ATP6V1H: variants seen among roughly 807,000 people sequenced by gnomAD.
ATP6V1H encodes V-type proton ATPase subunit H.
In ATP6V1H, 39 loss-of-function variants were observed where a neutral mutation model predicts 71.7. That is an observed-to-expected ratio of 0.54 (90% confidence interval 0.42 to 0.71). The LOEUF (loss-of-function observed/expected upper bound fraction) is 0.71. Ranked by LOEUF, ATP6V1H falls within the 30% of genes least tolerant of loss-of-function variation. The probability of loss-of-function intolerance (pLI) is 0.00; values close to 1 mark genes in which losing one functional copy is unlikely to be tolerated. For synonymous variants in ATP6V1H, 192 were observed against 199.3 expected (o/e 0.96, Z 0.31); for missense variants, 509 against 594.9 (o/e 0.86, Z 1.50).
chr8:53,756,710 C>T (rs144519353), intron 11 of ATP6V1H, 54 bp from the exon 12 acceptor site: 1 of 1,114,308 alleles, frequency 9.0e-7, no homozygotes, highest in Non-Finnish European at 1.3e-6. Context: ...CTATAGACTA[C>T]AACAGAGCAC....
At chr8:53,742,954 A>G (rs1283268672) in intron 13 of ATP6V1H, among the ~76,000 whole-genome samples, 1 of 152,234 alleles carries the variant, frequency 6.6e-6, no homozygotes, top group Non-Finnish European at 1.5e-5. Context: ...AAAAGCAGCT[A>G]TGTCAAGGGG....
chr8:53,726,983 C>T (rs936084436), intron 13 of ATP6V1H, among the ~76,000 whole-genome samples: 54 of 152,246 alleles, frequency 3.5e-4, no homozygotes, highest in African/African-American at 1.3e-3. Flanking sequence ...GGACACCTCA[C>T]CCCACCTCTG....
At chr8:53,765,296 G>A (rs1358524575) in intron 11 of ATP6V1H, among the ~76,000 whole-genome samples, 1 of 151,742 alleles carries the variant, frequency 6.6e-6, no homozygotes, top group Non-Finnish European at 1.5e-5. Context: ...CAGCTACTTA[G>A]GAGGCTGAGG....
chr8:53,750,754 G>A (rs935631262), intron 12 of ATP6V1H, among the ~76,000 whole-genome samples: 3 of 152,124 alleles, frequency 2.0e-5, no homozygotes, highest in African/African-American at 2.4e-5. Context: ...AAAGTCCACC[G>A]AGAAGTTAAT....
chr8:53,776,621 C>T (rs2130343398), intron 9 of ATP6V1H, among the ~76,000 whole-genome samples: 2 of 152,322 alleles, frequency 1.3e-5, no homozygotes, highest in South Asian at 4.1e-4. Context: ...TAACAGAAGC[C>T]AGTTCTAGGA....
At chr8:53,783,471 G>A (rs916624698) in intron 9 of ATP6V1H, among the ~76,000 whole-genome samples, 3 of 151,904 alleles carry the variant, frequency 2.0e-5, no homozygotes, top group African/African-American at 7.3e-5. Context: ...CTATCAATTT[G>A]TTGATCTTTT....
chr8:53,775,049 C>T (rs1410908962), intron 9 of ATP6V1H, among the ~76,000 whole-genome samples: 3 of 152,204 alleles, frequency 2.0e-5, no homozygotes, highest in South Asian at 2.1e-4. Flanking sequence ...TTCTTGAAGG[C>T]GGCGTGTCCG....
intron 4 of ATP6V1H, among the ~76,000 whole-genome samples, chr8:53,821,884 C>A (rs148735387): frequency 6.6e-6 from 1 of 151,978 alleles, no homozygotes; most frequent in Non-Finnish European, 1.5e-5. Flanking sequence ...AAAACTGTAA[C>A]GTAACAATGC....
intron 13 of ATP6V1H, among the ~76,000 whole-genome samples, chr8:53,718,548 C>A (rs1477761893): frequency 6.6e-6 from 1 of 152,114 alleles, no homozygotes; most frequent in African/African-American, 2.4e-5. Flanking sequence ...CACCACCATG[C>A]CTGGCTAATT....
intron 4 of ATP6V1H, among the ~76,000 whole-genome samples, chr8:53,819,723 G>GTA: frequency 7.5e-6 from 1 of 133,366 alleles, no homozygotes; most frequent in South Asian, 2.4e-4. Context: ...CATATACTTT[G>GTA]TATATATATA....
chr8:53,840,030 T>A, intron 2 of ATP6V1H: 1 of 516,984 alleles, frequency 1.9e-6, no homozygotes, highest in Non-Finnish European at 2.5e-6. Context: ...TTGCTCACAT[T>A]ATCTGTTCTA....
intron 4 of ATP6V1H, among the ~76,000 whole-genome samples, chr8:53,817,809 C>T (rs1283522082): frequency 5.9e-5 from 9 of 152,090 alleles, no homozygotes; most frequent in African/African-American, 2.4e-5. Flanking sequence ...TGACCTGCTA[C>T]TCCCAATGTA....
intron 12 of ATP6V1H, among the ~76,000 whole-genome samples, chr8:53,751,171 T>C (rs962057487): frequency 2.0e-5 from 3 of 152,178 alleles, no homozygotes; most frequent in Non-Finnish European, 4.4e-5. Context: ...TATCCATATA[T>C]GTACTGTGTA....
At chr8:53,776,103 T>C (rs973729737) in intron 9 of ATP6V1H, among the ~76,000 whole-genome samples, 3 of 152,070 alleles carry the variant, frequency 2.0e-5, no homozygotes, top group Non-Finnish European at 4.4e-5. Flanking sequence ...CTGGCACCGG[T>C]GGGGGACCCA....
At chr8:53,806,107 A>G (rs1415089663) in intron 7 of ATP6V1H, among the ~76,000 whole-genome samples, 2 of 152,188 alleles carry the variant, frequency 1.3e-5, no homozygotes, top group African/African-American at 4.8e-5. Flanking sequence ...AAAGAAAGTA[A>G]AAGAGGAATA....
intron 10 of ATP6V1H, 84 bp downstream of exon 10, chr8:53,771,905 C>A: frequency 7.8e-7 from 1 of 1,276,328 alleles, no homozygotes; most frequent in African/African-American, 1.5e-5. Flanking sequence ...TAGGTGACAA[C>A]AAATTCAGGT....
chr8:53,736,520 T>C (rs552500052), intron 13 of ATP6V1H, among the ~76,000 whole-genome samples: 3 of 152,322 alleles, frequency 2.0e-5, no homozygotes, highest in African/African-American at 4.8e-5. Context: ...ACATGCTCAA[T>C]CAAATCATAC....
chr8:53,805,212 G>T (rs146417705), intron 7 of ATP6V1H, among the ~76,000 whole-genome samples: 1 of 152,110 alleles, frequency 6.6e-6, no homozygotes, highest in African/African-American at 2.4e-5. Flanking sequence ...GGAATTATCC[G>T]CACTTGAGAA....
intron 11 of ATP6V1H, among the ~76,000 whole-genome samples, chr8:53,759,410 G>C (rs1808184989): frequency 6.6e-6 from 1 of 152,198 alleles, no homozygotes; most frequent in African/African-American, 2.4e-5. Context: ...CTCCCTCCAA[G>C]ATGTCTCTGA....
Sources: allele counts gnomAD v4.1 joint callset (sites outside exome capture counted in the v4.1 genomes callset), GRCh38; gene constraint gnomAD v4.1.1; transcripts MANE v1.5; gene names NCBI Gene and HGNC (gene_info 2026-07-23, HGNC 2026-07-21).